The following ADAMTS14 variants were observed in gnomAD, a reference collection of about 807,000 sequenced individuals.
ADAMTS14 encodes ADAM metallopeptidase with thrombospondin type 1 motif 14.
ADAMTS14 carries 100 observed loss-of-function variants against 128.6 expected under a neutral mutation model. The ratio of observed to expected loss-of-function variants is 0.78; its 90% CI spans 0.66 to 0.92. The LOEUF is 0.92. ADAMTS14 is among the 40% of genes least tolerant of loss of function. The pLI is 0.00. For synonymous variants in ADAMTS14, 665 were observed against 653.8 expected, an observed-to-expected ratio of 1.02 and a Z score of -0.26; for missense variants, 1,562 against 1,658.6, an observed-to-expected ratio of 0.94 and a Z score of 1.01.
chr10:70,729,489 A>G, intron 5 of ADAMTS14, 112 bp downstream of exon 5: 3 of 930,476 alleles, frequency 3.2e-6, no homozygotes, highest in South Asian at 2.8e-5. Flanking sequence ...ATCTGTTTCC[A>G]GAATCAGAAC....
chr10:70,703,325 G>A (rs1301013288), intron 3 of ADAMTS14, among the ~76,000 whole-genome samples: 1 of 152,230 alleles, frequency 6.6e-6, no homozygotes. Context: ...AAGAGGAGAT[G>A]AGGAGGCCAT....
At chr10:70,740,929 T>C in intron 11 of ADAMTS14, 58 bp from the exon 12 acceptor site, 1 of 1,574,942 alleles carries the variant, frequency 6.3e-7, no homozygotes, top group Non-Finnish European at 8.7e-7. Context: ...GTGGGAAACC[T>C]GGCCCTCCCC....
intron 2 of ADAMTS14, among the ~76,000 whole-genome samples, chr10:70,697,341 T>G (rs1157050429): frequency 1.3e-5 from 2 of 152,214 alleles, no homozygotes. Flanking sequence ...TCCCAGGGCC[T>G]GCAGCTGTCT....
At chr10:70,745,550 C>T (rs1325774584) in intron 15 of ADAMTS14, 2 of 537,866 alleles carry the variant, frequency 3.7e-6, no homozygotes, top group Non-Finnish European at 3.3e-6. Flanking sequence ...ACCCCTGTAC[C>T]CTGGGGGCAG....
At chr10:70,727,481 TG>T (rs1343247392) in intron 4 of ADAMTS14, among the ~76,000 whole-genome samples, 2 of 152,240 alleles carry the variant, frequency 1.3e-5, no homozygotes, top group African/African-American at 4.8e-5. Context: ...GGAAGCCATG[TG>T]GGCAGGAGGC....
chr10:70,744,211 G>A (rs1842101092), intron 14 of ADAMTS14, 22 bp downstream of exon 14: 1 of 1,500,524 alleles, frequency 6.7e-7, no homozygotes, highest in Non-Finnish European at 8.9e-7. Flanking sequence ...TGGGGCTGGG[G>A]GGATGACGAG....
At chr10:70,683,743 C>A (rs1180370662) in intron 2 of ADAMTS14, among the ~76,000 whole-genome samples, 1 of 152,138 alleles carries the variant, frequency 6.6e-6, no homozygotes, top group Non-Finnish European at 1.5e-5. Context: ...TGGCTGTGCT[C>A]CGCTGAAGGG....
At chr10:70,685,836 T>C (rs1839936432) in intron 2 of ADAMTS14, among the ~76,000 whole-genome samples, 1 of 152,050 alleles carries the variant, frequency 6.6e-6, no homozygotes, top group African/African-American at 2.4e-5. Flanking sequence ...TGAAGGGGCC[T>C]GGGGGTACTG....
At chr10:70,743,787 G>A (rs1402504945) in intron 13 of ADAMTS14, 106 bp downstream of exon 13, 2 of 1,406,938 alleles carry the variant, frequency 1.4e-6, no homozygotes, top group Middle Eastern at 2.5e-4. Flanking sequence ...CGGCCCACTC[G>A]CAACACCCTG....
chr10:70,736,849 C>A (rs1841844998), intron 10 of ADAMTS14, 56 bp downstream of exon 10: 2 of 1,508,264 alleles, frequency 1.3e-6, no homozygotes, highest in East Asian at 2.3e-5. Context: ...GCATCCATCA[C>A]TGGCATGGGG....
chr10:70,708,043 G>A (rs1388010900), intron 3 of ADAMTS14, among the ~76,000 whole-genome samples: 1 of 152,208 alleles, frequency 6.6e-6, no homozygotes, highest in South Asian at 2.1e-4. Flanking sequence ...AGCCAAAAGG[G>A]CAGAGCAGCG....
chr10:70,735,448 C>T, intron 9 of ADAMTS14, 147 bp downstream of exon 9: 2 of 1,216,584 alleles, frequency 1.6e-6, no homozygotes, highest in Middle Eastern at 2.8e-4. Flanking sequence ...AGCCACCATG[C>T]AGGGATGCAG....
At chr10:70,673,064 C>T (rs1839530390) in intron 1 of ADAMTS14, among the ~76,000 whole-genome samples, 180 bp downstream of exon 1, 1 of 152,228 alleles carries the variant, frequency 6.6e-6, no homozygotes, top group Admixed American at 6.5e-5. Flanking sequence ...TGATTTCTCT[C>T]CCTTTCTGGT....
chr10:70,715,727 C>G (rs543035819), intron 4 of ADAMTS14, among the ~76,000 whole-genome samples: 241 of 152,234 alleles, frequency 1.6e-3, no homozygotes, highest in African/African-American at 5.4e-3. Flanking sequence ...TTCTATTGGG[C>G]AAAGTGTACT....
chr10:70,760,406 G>A lies in ADAMTS14; in HGVS notation c.3225G>A (p.Val1075=). The part of the protein sequence containing the change: ...GDRSVFCQME[V]LDRYCSIPGY... ...GGTCTGTCTTCTGCCAGATGGAAGT[G>A]CTCGATCGCTACTGCTCCATTCCCG... The change falls in exon 22 of 22, where the codon GTG becomes GTA. Residue 1075 remains valine, a synonymous_variant. Transcript: ENST00000373207. The A allele has an allele frequency of 6.2e-7, 1 of 1,606,858 alleles. No individual in the cohort carries two copies. The highest frequency in any genetic ancestry group is 1.3e-5 in the African/African-American group (1 of 74,904).
chr10:70,756,643 T>TTTTGGTCCCAAA (rs1218590513), intron 19 of ADAMTS14, among the ~76,000 whole-genome samples: 1 of 152,220 alleles, frequency 6.6e-6, no homozygotes, highest in Non-Finnish European at 1.5e-5. Flanking sequence ...TCATTGGCAC[T>TTTTGGTCCCAAA]AGACAAGCTT....
intron 2 of ADAMTS14, among the ~76,000 whole-genome samples, chr10:70,691,248 C>T (rs1458565236): frequency 7.0e-6 from 1 of 143,748 alleles, no homozygotes; most frequent in Non-Finnish European, 1.6e-5. Flanking sequence ...AATCCTAGCA[C>T]TTTGGGAGGC....
chr10:70,702,299 GT>G lies in ADAMTS14; in HGVS notation c.523-12del, dbSNP rs1840517712. The G allele has an allele frequency of 6.2e-7, 1 of 1,613,940 alleles. No individual in the cohort carries two copies. Among genetic ancestry groups the G allele is most frequent in the Non-Finnish European group, 8.5e-7 (1 of 1,180,032 alleles). The stretch of plus-strand genomic sequence containing the variant: ...ATTTCTCTCTTTCCCGCTGCTTGCC[GT>G]CCCTGGTTCAGGCGGGCCTCATCCG... On this transcript the variant is annotated splice_polypyrimidine_tract_variant and intron_variant, in intron 2 of 21. Transcript: ENST00000373207.
chr10:70,730,966 AT>A (rs1841616982), intron 6 of ADAMTS14, among the ~76,000 whole-genome samples: 1 of 151,698 alleles, frequency 6.6e-6, no homozygotes, highest in African/African-American at 2.4e-5. Flanking sequence ...AAGGCTTTCT[AT>A]TTTTTTCTGC....
Sources: gnomAD v4.1 joint callset for allele counts (sites outside exome capture counted in the v4.1 genomes callset) on GRCh38, gnomAD v4.1.1 for gene constraint, MANE v1.5 for transcripts, NCBI Gene and HGNC (gene_info 2026-07-23, HGNC 2026-07-21) for gene names.